SSTR2: variants seen among roughly 807,000 people sequenced by gnomAD.
SSTR2 encodes somatostatin receptor 2.
A neutral mutation model predicts 21.4 loss-of-function variants in SSTR2; 10 were observed. That is an observed-to-expected ratio of 0.47 (90% CI 0.29 to 0.79). SSTR2 has a LOEUF of 0.79. SSTR2 is among the 30% of genes least tolerant of loss of function. The pLI, the probability that SSTR2 is intolerant of heterozygous loss-of-function variation, is 0.10. For missense variants in SSTR2, 364 were observed against 468.8 expected, an observed-to-expected ratio of 0.78 and a Z score of 2.06; for synonymous variants, 177 against 181.3, an observed-to-expected ratio of 0.98 and a Z score of 0.19.
In SSTR2 at chr17:73,168,440, A is replaced by G. The variant is rs78006848; in HGVS notation, c.-92-788A>G. Reference sequence around the variant, plus strand: ...AGTCAAGCATTAGGTATTGGAAAACAAAAATAGAAGAAAAACAAAAAATAA... The same window carrying G: ...AGTCAAGCATTAGGTATTGGAAAACGAAAATAGAAGAAAAACAAAAAATAA... On this transcript the variant is annotated intron_variant, in intron 1 of 1. Coordinates refer to ENST00000357585, the MANE Select transcript of SSTR2 (RefSeq NM_001050.3). Among the ~76,000 whole-genome samples, 1,790 of 150,726 alleles carry G rather than the reference A, an allele frequency of 0.012. 66 individuals carry two copies. The East Asian group carries it at 0.14, about 12-fold the overall frequency.
chr17:73,165,295 GGT>G lies in SSTR2; in HGVS notation c.-93+47_-93+48del, dbSNP rs369726309. 33,783 of 132,002 alleles carry G rather than the reference GGT, an allele frequency of 0.26. 4,152 individuals are homozygous for G. Among genetic ancestry groups the G allele is most frequent in the Non-Finnish European group, 0.31 (18,991 of 60,384 alleles). 8.2% of individuals were successfully genotyped at this position (132,002 alleles called of 1,614,324 possible). A position where few individuals can be genotyped will look rare whatever the true frequency, so the allele number is the denominator to read the frequency against. ...TTGCAGCGGAAAAGCAAAGGTGAGG[GGT>G]GTGTGTGTGTGTGTGTGTGTGTGTG... On this transcript the variant is annotated splice_region_variant and intron_variant, in intron 1 of 1. Coordinates refer to ENST00000357585, the MANE Select transcript of SSTR2 (RefSeq NM_001050.3).
chr17:73,168,081 C>A (rs1392502032), intron 1 of SSTR2: 1 of 152,220 alleles, frequency 6.6e-6, no homozygotes, highest in Non-Finnish European at 1.5e-5. Flanking sequence ...AGACTTGGGG[C>A]CAGGTGGCCT....
chr17:73,165,948 C>CT (rs962784552), intron 1 of SSTR2, among the ~76,000 whole-genome samples: 3 of 151,638 alleles, frequency 2.0e-5, no homozygotes, highest in Admixed American at 1.3e-4. Context: ...CAGCGCCCCC[C>CT]CCCCACACCC....
At chr17:73,166,747 C>A (rs1367272561) in intron 1 of SSTR2, among the ~76,000 whole-genome samples, 1 of 152,160 alleles carries the variant, frequency 6.6e-6, no homozygotes, top group East Asian at 1.9e-4. Context: ...AAGCTCATTT[C>A]TTGCTTAGAG....
chr17:73,165,208 G>C lies in SSTR2; in HGVS notation c.-173G>C, dbSNP rs1270942360. 6.6e-6 allele frequency: 1 copy of C among 152,464 alleles called. No individual in the cohort carries two copies. Among genetic ancestry groups the C allele is most frequent in the African/African-American group, 2.4e-5 (1 of 41,590 alleles). The allele number at this position is 152,464 out of a possible 1,614,324, so 9.4% of individuals were successfully genotyped here. On this transcript the variant is annotated 5_prime_UTR_variant, in exon 1 of 2. Transcript: ENST00000357585. Reference sequence around the variant, plus strand: ...CGCCAGGCGCTAGCCAAGCTGCTGCGCGCCCCGGCGCCCAGCTGGCTCGGG... The same window carrying C: ...CGCCAGGCGCTAGCCAAGCTGCTGCCCGCCCCGGCGCCCAGCTGGCTCGGG...
chr17:73,170,782 A>G lies in SSTR2; in HGVS notation c.*353A>G, dbSNP rs2061232683. On this transcript the variant is annotated 3_prime_UTR_variant, in exon 2 of 2. Coordinates refer to ENST00000357585, the MANE Select transcript of SSTR2 (RefSeq NM_001050.3). ...ACTCAATATGTAATCTTGTGTTTTT[A>G]TATGTATACTTGTATATTCCTATTT... The G allele has an allele frequency of 1.0e-5, 5 of 489,578 alleles. No homozygotes were observed. The highest frequency in any genetic ancestry group is 4.7e-5 in the South Asian group (3 of 64,490). The allele number at this position is 489,578 out of a possible 1,614,324, so 30.3% of individuals were successfully genotyped here. A position where few individuals can be genotyped will look rare whatever the true frequency, so the allele number is the denominator to read the frequency against.
At position 73,169,187 on chromosome 17, in the gene SSTR2, A is replaced by T; in HGVS notation, c.-92-41A>T. 1.8e-6 allele frequency: 2 copies of T among 1,110,190 alleles called. No individual in the cohort carries two copies. The highest frequency in any genetic ancestry group is 2.5e-6 in the Non-Finnish European group (2 of 802,200). The allele number at this position is 1,110,190 out of a possible 1,614,324, so 68.8% of individuals were successfully genotyped here. A position where few individuals can be genotyped will look rare whatever the true frequency, so the allele number is the denominator to read the frequency against. ...GTGTAAATTTGGTGAGACTTTAAAC[A>T]GCCTGTGACCGACGGGCCAATCTTC... On this transcript the variant is annotated intron_variant, in intron 1 of 1. Transcript: ENST00000357585. The surrounding 1 kb of genome is among the most constrained non-coding windows in gnomAD (Gnocchi z 5.2).
At position 73,169,316 on chromosome 17, in the gene SSTR2, A is replaced by G; in HGVS notation, c.-4A>G. On this transcript the variant is annotated 5_prime_UTR_variant, in exon 2 of 2. Transcript: ENST00000357585. The surrounding 1 kb of genome is among the most constrained non-coding windows in gnomAD (Gnocchi z 5.2). ...TGGAACTAGCCTAAGACTGAAAAGC[A>G]GCCATGGACATGGCGGATGAGCCAC... The G allele has an allele frequency of 6.2e-7, 1 of 1,609,840 alleles. No homozygotes were observed. Among genetic ancestry groups the G allele is most frequent in the Non-Finnish European group, 8.5e-7 (1 of 1,177,918 alleles).
At chr17:73,168,629 C>T (rs2061223793) in intron 1 of SSTR2, among the ~76,000 whole-genome samples, 1 of 152,036 alleles carries the variant, frequency 6.6e-6, no homozygotes, top group African/African-American at 2.4e-5. Context: ...CATTATGAGC[C>T]CAACGCAAGG....
rs1049295711 is a variant in SSTR2 at position 73,171,778 on chromosome 17, G to A, written c.*1349G>A. 6.6e-6 allele frequency: 1 copy of A among 151,804 alleles called. No individual in the cohort carries two copies. The highest frequency in any genetic ancestry group is 1.5e-5 in the Non-Finnish European group (1 of 67,936). 9.4% of individuals were successfully genotyped at this position (151,804 alleles called of 1,614,324 possible). On this transcript the variant is annotated 3_prime_UTR_variant, in exon 2 of 2. Coordinates refer to ENST00000357585, the MANE Select transcript of SSTR2 (RefSeq NM_001050.3). ...ACTACTAAAAATATGTAAATTAGTC[G>A]GGCGTGGTGTCACGTGCCTGTAATC...
In SSTR2 at chr17:73,165,045, C is replaced by G. The variant is rs1040743228; in HGVS notation, c.-336C>G. ...GCGCAGCCACCCATGCGCGCGCGCTCGCAAGACCACCAGCGCCCAGAGCCC... is the reference window on the plus strand; with the variant it reads ...GCGCAGCCACCCATGCGCGCGCGCTGGCAAGACCACCAGCGCCCAGAGCCC... On this transcript the variant is annotated 5_prime_UTR_variant, in exon 1 of 2. Transcript: ENST00000357585. The G allele has an allele frequency of 6.6e-6, 1 of 152,168 alleles. No individual in the cohort carries two copies. Among genetic ancestry groups the G allele is most frequent in the African/African-American group, 2.4e-5 (1 of 41,438 alleles). 9.4% of individuals were successfully genotyped at this position (152,168 alleles called of 1,614,324 possible). A position where few individuals can be genotyped will look rare whatever the true frequency, so the allele number is the denominator to read the frequency against.
In SSTR2 at chr17:73,170,054, T is replaced by C; in HGVS notation, c.735T>C (p.Ser245=). ...VKSSGIRVGS[S]KRKKSEKKVT... Reference sequence around the variant, plus strand: ...CCTCTGGAATCCGAGTGGGCTCCTCTAAGAGGAAGAAGTCTGAGAAGAAGG... The same window carrying C: ...CCTCTGGAATCCGAGTGGGCTCCTCCAAGAGGAAGAAGTCTGAGAAGAAGG... Residue 245 remains serine, a synonymous_variant, in exon 2 of 2, where the codon TCT becomes TCC. Coordinates refer to ENST00000357585, the MANE Select transcript of SSTR2 (RefSeq NM_001050.3). The C allele has an allele frequency of 1.9e-6, 3 of 1,614,154 alleles. No individual in the cohort carries two copies. Among genetic ancestry groups the C allele is most frequent in the Non-Finnish European group, 2.5e-6 (3 of 1,180,024 alleles).
intron 1 of SSTR2, among the ~76,000 whole-genome samples, chr17:73,166,308 G>C (rs1294165980): frequency 1.3e-5 from 2 of 152,216 alleles, no homozygotes; most frequent in African/African-American, 4.8e-5. Context: ...GGGAGGCGGG[G>C]GGTGGGAAGT....
rs1262119593 is a variant in SSTR2, at chr17:73,173,879, AG to A, written c.*3451del. ...CACGGTGGCTCATGCCTGTAATCCC[AG>A]CACTTTGGGAGGCTGAGGCGGGTGG... On this transcript the variant is annotated 3_prime_UTR_variant, in exon 2 of 2. Transcript: ENST00000357585. 6.6e-6 allele frequency: 1 copy of A among 152,310 alleles called. No homozygotes were observed. The highest frequency in any genetic ancestry group is 2.4e-5 in the African/African-American group (1 of 41,444). The allele number at this position is 152,310 out of a possible 1,614,324, so 9.4% of individuals were successfully genotyped here. A position where few individuals can be genotyped will look rare whatever the true frequency, so the allele number is the denominator to read the frequency against.
rs754746031 is a variant in SSTR2 at position 73,169,706 on chromosome 17, C to T, written c.387C>T (p.Ser129=). The T allele has an allele frequency of 6.2e-7, 1 of 1,614,258 alleles. No homozygotes were observed. Among genetic ancestry groups the T allele is most frequent in the Non-Finnish European group, 8.5e-7 (1 of 1,180,056 alleles). The change falls in exon 2 of 2, where the codon AGC becomes AGT. Residue 129 remains serine (S), a synonymous_variant. Transcript: ENST00000357585. This position sits in a 1 kb window ranked among gnomAD's most constrained non-coding sequence, Gnocchi z 5.2. ...MTVDGINQFT[S]IFCLTVMSID... ...TGGATGGCATCAATCAGTTCACCAG[C>T]ATCTTCTGCCTGACAGTCATGAGCA... is the stretch of plus-strand genomic sequence containing the variant.
At chr17:73,166,873 A>G (rs976983891) in intron 1 of SSTR2, among the ~76,000 whole-genome samples, 28 of 152,130 alleles carry the variant, frequency 1.8e-4, no homozygotes, top group African/African-American at 6.5e-4. Flanking sequence ...CTCAAACTCC[A>G]GTTAAAATGA....
rs1267842891 is a variant in SSTR2 at position 73,173,489 on chromosome 17, G to A, written c.*3060G>A. 1.3e-5 allele frequency: 2 copies of A among 152,124 alleles called. No individual in the cohort carries two copies. The highest frequency in any genetic ancestry group is 4.8e-5 in the African/African-American group (2 of 41,424). 9.4% of individuals were successfully genotyped at this position (152,124 alleles called of 1,614,324 possible). A position where few individuals can be genotyped will look rare whatever the true frequency, so the allele number is the denominator to read the frequency against. On this transcript the variant is annotated 3_prime_UTR_variant, in exon 2 of 2. Transcript: ENST00000357585. ...TGTTTCAAAGATAACTTGCTCTCTG[G>A]TTCTCTTTTATCTAAAAGAGAGAAT... is the stretch of plus-strand genomic sequence containing the variant.
rs549300984 is a variant in SSTR2 at position 73,170,141 on chromosome 17, A to G, written c.822A>G (p.Ile274Met). 6.2e-7 allele frequency: 1 copy of G among 1,614,018 alleles called. No homozygotes were observed. Among genetic ancestry groups the G allele is most frequent in the South Asian group, 1.1e-5 (1 of 91,068 alleles). Residue 274 changes from isoleucine to methionine, a missense_variant, in exon 2 of 2, where the codon ATA becomes ATG. By Grantham distance (10) the Ile-to-Met change is conservative. Transcript: ENST00000357585. ...VFIFCWLPFYIFNVSSVSMAI... is the reference protein window; with the variant it reads ...VFIFCWLPFYMFNVSSVSMAI... The stretch of plus-strand genomic sequence containing the variant: ...TCTTCTGCTGGCTTCCCTTCTACAT[A>G]TTCAACGTTTCTTCCGTCTCCATGG...
rs1025309119 is a variant in SSTR2 at position 73,170,804 on chromosome 17, A to G, written c.*375A>G. On this transcript the variant is annotated 3_prime_UTR_variant, in exon 2 of 2. Transcript: ENST00000357585. ...TTTATATGTATACTTGTATATTCCT[A>G]TTTATTCTCTGTATAGGCATTACCT... The G allele has an allele frequency of 6.4e-6, 3 of 466,724 alleles. No individual in the cohort carries two copies. Among genetic ancestry groups the G allele is most frequent in the Non-Finnish European group, 1.3e-5 (3 of 227,746 alleles). 28.9% of individuals were successfully genotyped at this position (466,724 alleles called of 1,614,324 possible).
Sources: gnomAD v4.1 joint callset for allele counts (sites outside exome capture counted in the v4.1 genomes callset) on GRCh38, gnomAD v4.1.1 for gene constraint, Gnocchi (gnomAD v3.1) non-coding constraint, MANE v1.5 for transcripts, NCBI Gene and HGNC (gene_info 2026-07-23, HGNC 2026-07-21) for gene names.